Variants in TMEM41B observed in about 807,000 individuals in gnomAD.
The protein encoded by TMEM41B is protein stasimon.
TMEM41B carries 18 observed loss-of-function variants against 31.9 expected under a neutral mutation model. The observed-to-expected ratio is 0.56, with a 90% CI of 0.39 to 0.84. TMEM41B has a LOEUF of 0.84. Ranked by LOEUF, TMEM41B falls within the 40% of genes least tolerant of loss-of-function variation. The probability of loss-of-function intolerance (pLI) is 0.00; values close to 1 mark genes in which losing one functional copy is unlikely to be tolerated. For missense variants in TMEM41B, 322 were observed against 348.0 expected (o/e 0.93, Z 0.59); for synonymous variants, 144 against 124.3 (o/e 1.16, Z -1.05).
chr11:9,293,828 C>A (rs1853013841), intron 3 of TMEM41B, among the ~76,000 whole-genome samples: 1 of 151,786 alleles, frequency 6.6e-6, no homozygotes, highest in Non-Finnish European at 1.5e-5. Context: ...GTGATTCACC[C>A]GCCTCGGGCT....
At chr11:9,289,494 TCTC>T (rs1852907375) in intron 3 of TMEM41B, among the ~76,000 whole-genome samples, 1 of 152,016 alleles carries the variant, frequency 6.6e-6, no homozygotes, top group Admixed American at 6.6e-5. Flanking sequence ...CTCATTTCAA[TCTC>T]CTCCTCCTTC....
chr11:9,296,341 T>C (rs987083515), intron 2 of TMEM41B, among the ~76,000 whole-genome samples: 1 of 151,874 alleles, frequency 6.6e-6, no homozygotes, highest in Non-Finnish European at 1.5e-5. Context: ...AATGAACCAC[T>C]GGCCAGGCAC....
In TMEM41B at chr11:9,284,731, C is replaced by G. The variant is rs530859948; in HGVS notation, c.707-1138G>C. Among the ~76,000 whole-genome samples the G allele has an allele frequency of 1.8e-3, 278 of 150,766 alleles. 2 individuals carry two copies. The highest frequency in any genetic ancestry group is 6.5e-3 in the African/African-American group (266 of 41,084). ...TGAGCTGAGATCACGCCACTGCACT[C>G]CAGCCTGGGCGACAGAGAGAGAATC... On this transcript the variant is annotated intron_variant, in intron 6 of 6. Coordinates refer to ENST00000528080, the MANE Select transcript of TMEM41B (RefSeq NM_015012.4).
intron 2 of TMEM41B, among the ~76,000 whole-genome samples, chr11:9,299,325 TACACAC>T (rs139794462): frequency 3.7e-4 from 46 of 123,150 alleles, no homozygotes; most frequent in African/African-American, 1.3e-3. Flanking sequence ...TATACATACA[TACACAC>T]ACACACACAC....
chr11:9,286,714 G>C, intron 5 of TMEM41B, 121 bp from the exon 6 acceptor site: 1 of 1,060,658 alleles, frequency 9.4e-7, no homozygotes, highest in Non-Finnish European at 1.3e-6. Flanking sequence ...CAATAGAAAT[G>C]ATCAGGCTGG....
intron 2 of TMEM41B, among the ~76,000 whole-genome samples, chr11:9,297,574 C>T (rs955417318): frequency 2.0e-5 from 3 of 152,100 alleles, no homozygotes; most frequent in Admixed American, 6.6e-5. Flanking sequence ...CATCTACAGT[C>T]CCAACTACTT....
intron 3 of TMEM41B, among the ~76,000 whole-genome samples, chr11:9,293,969 C>A (rs1853017008): frequency 6.6e-6 from 1 of 151,980 alleles, no homozygotes; most frequent in Non-Finnish European, 1.5e-5. Flanking sequence ...CTTTGGGAGG[C>A]TGAGGAGCTC....
chr11:9,311,575 C>T, intron 1 of TMEM41B: 1 of 1,091,552 alleles, frequency 9.2e-7, no homozygotes, highest in South Asian at 1.5e-5. Flanking sequence ...GGACAGGGGC[C>T]TGGGGGAAAG....
intron 3 of TMEM41B, among the ~76,000 whole-genome samples, chr11:9,292,625 G>T (rs940953118): frequency 1.3e-5 from 2 of 152,030 alleles, no homozygotes; most frequent in Non-Finnish European, 2.9e-5. Flanking sequence ...AAGAGTTCCA[G>T]TTCGAGACCA....
chr11:9,311,751 C>T (rs1853567306), intron 1 of TMEM41B: 1 of 647,494 alleles, frequency 1.5e-6, no homozygotes, highest in Non-Finnish European at 2.8e-6. Flanking sequence ...TCAAGAGCTT[C>T]TTAACTAGTT....
chr11:9,313,247 A>G (rs2133658940), intron 1 of TMEM41B, among the ~76,000 whole-genome samples: 1 of 151,562 alleles, frequency 6.6e-6, no homozygotes, highest in East Asian at 1.9e-4. Context: ...TCCAGTGTAT[A>G]TAAGCTGGAA....
intron 2 of TMEM41B, among the ~76,000 whole-genome samples, chr11:9,298,113 C>T (rs148394771): frequency 3.7e-3 from 550 of 148,852 alleles, no homozygotes; most frequent in Non-Finnish European, 4.9e-3. Context: ...TTCTCAAGTC[C>T]AGTAAGATAC....
At chr11:9,311,489 C>A in intron 1 of TMEM41B, 2 of 1,424,200 alleles carry the variant, frequency 1.4e-6, no homozygotes, top group South Asian at 1.2e-5. Context: ...ATCCTGGATA[C>A]CCTGGCTGTG....
chr11:9,297,394 A>T (rs1853124101), intron 2 of TMEM41B, among the ~76,000 whole-genome samples: 2 of 152,104 alleles, frequency 1.3e-5, no homozygotes, highest in African/African-American at 4.8e-5. Context: ...CGCTCTGCTA[A>T]TTTCAAAATT....
chr11:9,282,627 A>G lies in TMEM41B; in HGVS notation c.*797T>C, dbSNP rs920771056. The stretch of plus-strand genomic sequence containing the variant: ...TAACATGCCATCTCCAAACAAATCC[A>G]TTACCTCAAAAGAGGAAGAAAATGG... On this transcript the variant is annotated 3_prime_UTR_variant, in exon 7 of 7. Transcript: ENST00000528080. 1.3e-5 allele frequency: 2 copies of G among 152,080 alleles called. No homozygotes were observed. Among genetic ancestry groups the G allele is most frequent in the Non-Finnish European group, 2.9e-5 (2 of 68,020 alleles). The allele number at this position is 152,080 out of a possible 1,614,324, so 9.4% of individuals were successfully genotyped here. A position where few individuals can be genotyped will look rare whatever the true frequency, so the allele number is the denominator to read the frequency against.
intron 1 of TMEM41B, chr11:9,311,547 G>T: frequency 8.1e-7 from 1 of 1,231,956 alleles, no homozygotes; most frequent in Non-Finnish European, 1.2e-6. Context: ...ATTGCCTTGC[G>T]GAGCTCCTGG....
chr11:9,312,399 G>A (rs75214799), intron 1 of TMEM41B, among the ~76,000 whole-genome samples: 12,079 of 152,256 alleles, frequency 0.079, 502 homozygotes, highest in South Asian at 0.1. Flanking sequence ...ATTTGAGGGG[G>A]CTGAGGTGGG....
intron 3 of TMEM41B, among the ~76,000 whole-genome samples, chr11:9,291,615 T>C (rs150599220): frequency 3.3e-5 from 5 of 151,836 alleles, no homozygotes; most frequent in Non-Finnish European, 7.4e-5. Context: ...TTGGCCAGGA[T>C]AGTCTCCATC....
At position 9,313,707 on chromosome 11, in the gene TMEM41B, C is replaced by T. The variant is rs148898615; in HGVS notation, c.121+614G>A. 2.2e-3 allele frequency among the ~76,000 whole-genome samples: 336 copies of T among 152,288 alleles called. 1 individual carries two copies. The highest frequency in any genetic ancestry group is 7.7e-3 in the African/African-American group (322 of 41,560). ...ATTTAGCCCCCACTTCATATCCAAG[C>T]ATTGCTCTAAATCTTTTACGTGAAT... is the stretch of plus-strand genomic sequence containing the variant. On this transcript the variant is annotated intron_variant, in intron 1 of 6. Coordinates refer to ENST00000528080, the MANE Select transcript of TMEM41B (RefSeq NM_015012.4).
Sources: gnomAD v4.1 joint callset for allele counts (sites outside exome capture counted in the v4.1 genomes callset) on GRCh38, gnomAD v4.1.1 for gene constraint, MANE v1.5 for transcripts, NCBI Gene and HGNC (gene_info 2026-07-23, HGNC 2026-07-21) for gene names.